AP2A2: variants seen among roughly 807,000 people sequenced by gnomAD.
AP2A2 encodes AP-2 complex subunit alpha-2.
In AP2A2, 32 loss-of-function variants were observed where a neutral mutation model predicts 104.2. That is an observed-to-expected ratio of 0.31 (90% CI 0.23 to 0.41). The LOEUF is 0.41. Among genes scored for constraint, AP2A2 ranks in the 10% least tolerant of loss-of-function variants. The pLI is 1.00. For synonymous variants in AP2A2, 539 were observed against 533.3 expected (o/e 1.01, Z -0.15); for missense variants, 912 against 1,261.0 (o/e 0.72, Z 4.19).
intron 1 of AP2A2, among the ~76,000 whole-genome samples, chr11:934,109 T>A (rs1420452973): frequency 6.6e-6 from 1 of 151,982 alleles, no homozygotes; most frequent in Non-Finnish European, 1.5e-5. Context: ...GCTAGGTTCT[T>A]TCTGCCCCAT....
At chr11:926,782 C>T (rs1185608369) in intron 1 of AP2A2, among the ~76,000 whole-genome samples, 1 of 152,164 alleles carries the variant, frequency 6.6e-6, no homozygotes, top group Non-Finnish European at 1.5e-5. Context: ...GCCTGCTGCT[C>T]CAATCACAGA....
Position 993,055 on chromosome 11 carries a change from G to T in AP2A2, c.1453-229G>T, listed in dbSNP as rs1195667990. On this transcript the variant is annotated intron_variant, in intron 11 of 21. Transcript: ENST00000448903. The surrounding 1 kb of genome is among the most constrained non-coding windows in gnomAD (Gnocchi z 8.2). ...AACCTCCCCAGCCAGAGCCTGTTGT[G>T]GATGCTGCAGCTCCCTCCAGGGCAG... is the stretch of plus-strand genomic sequence containing the variant. Among the ~76,000 whole-genome samples the T allele has an allele frequency of 6.6e-6, 1 of 152,198 alleles. No individual in the cohort carries two copies. The highest frequency in any genetic ancestry group is 1.9e-4 in the East Asian group (1 of 5,192).
chr11:969,525 C>A (rs1854747064), intron 2 of AP2A2, among the ~76,000 whole-genome samples: 1 of 152,094 alleles, frequency 6.6e-6, no homozygotes, highest in African/African-American at 2.4e-5. Context: ...CGTGCCGGGC[C>A]CAGAATGGCC....
intron 14 of AP2A2, among the ~76,000 whole-genome samples, chr11:994,538 G>A (rs1312041263): frequency 6.8e-5 from 8 of 117,542 alleles, no homozygotes; most frequent in Middle Eastern, 6.8e-3. Context: ...CCTGCTGGAC[G>A]CCCCCCTGGC....
intron 1 of AP2A2, among the ~76,000 whole-genome samples, chr11:937,639 T>C (rs1365728949): frequency 1.3e-5 from 2 of 152,162 alleles, no homozygotes; most frequent in Admixed American, 6.5e-5. Context: ...TAGCCTACAG[T>C]TGGGCAAAAC....
At chr11:960,768 T>G (rs985554785) in intron 2 of AP2A2, among the ~76,000 whole-genome samples, 4 of 152,194 alleles carry the variant, frequency 2.6e-5, no homozygotes, top group African/African-American at 9.7e-5. Context: ...TCCACCTGCC[T>G]CAGCCTCCCA....
chr11:993,920 G>A lies in AP2A2; in HGVS notation c.1717G>A (p.Val573Met), dbSNP rs1590006440. The A allele has an allele frequency of 6.8e-6, 11 of 1,611,878 alleles. No individual in the cohort carries two copies. Among genetic ancestry groups the A allele is most frequent in the African/African-American group, 2.7e-5 (2 of 74,938 alleles). ...CGACAGCCAGCTCAGGAACGCAGAC[G>A]TGGAGCTGCAGCAGCGTGCTGTGGA... ...RSDSQLRNAD[V>M]ELQQRAVEYL... Residue 573 changes from valine to methionine, a missense_variant, in exon 13 of 22, where the codon GTG (valine) becomes ATG (methionine). Val to Met is a conservative substitution (Grantham distance 21). This residue lies in a region of AP2A2 where 137 missense variants were observed against 186.9 expected (regional missense o/e 0.73). Coordinates refer to ENST00000448903, the MANE Select transcript of AP2A2 (RefSeq NM_012305.4). This position sits in a 1 kb window ranked among gnomAD's most constrained non-coding sequence, Gnocchi z 8.2.
intron 9 of AP2A2, 88 bp from the exon 10 acceptor site, chr11:988,464 T>G: frequency 1.9e-5 from 28 of 1,505,364 alleles, no homozygotes; most frequent in Non-Finnish European, 2.5e-5. Flanking sequence ...GAGTGGGTGT[T>G]GAGATGCGGG....
At chr11:990,821 C>T (rs1176403235) in intron 10 of AP2A2, among the ~76,000 whole-genome samples, 1 of 131,360 alleles carries the variant, frequency 7.6e-6, no homozygotes, top group Non-Finnish European at 1.6e-5. Context: ...CTCACCCCAT[C>T]CTTTCAGCTG....
intron 5 of AP2A2, among the ~76,000 whole-genome samples, chr11:979,215 C>G (rs1329778117): frequency 1.3e-5 from 2 of 150,276 alleles, no homozygotes; most frequent in Non-Finnish European, 3.0e-5. Flanking sequence ...GCCTGTCAGC[C>G]TGTTGCAGGG....
chr11:945,896 G>C (rs1853815340), intron 1 of AP2A2, among the ~76,000 whole-genome samples: 1 of 152,170 alleles, frequency 6.6e-6, no homozygotes, highest in Non-Finnish European at 1.5e-5. Flanking sequence ...GGATTGCTTT[G>C]GTCCAGAGGA....
intron 6 of AP2A2, among the ~76,000 whole-genome samples, chr11:983,083 C>T (rs1319080323): frequency 3.6e-5 from 5 of 137,012 alleles, no homozygotes; most frequent in African/African-American, 8.2e-5. Flanking sequence ...TGCAATGGCA[C>T]GATCTCGGTT....
rs781083119 is a variant in AP2A2 at position 1,010,966 on chromosome 11, C to T, written c.*341C>T. On this transcript the variant is annotated 3_prime_UTR_variant, in exon 22 of 22. Transcript: ENST00000448903. ...TTGTGGGAGTGTCACTGAGATGGCC[C>T]GTGCTGCCGCCCACCCCGCCTCGGA... 3.2e-5 allele frequency: 23 copies of T among 724,464 alleles called. 1 individual carries two copies. Among genetic ancestry groups the T allele is most frequent in the South Asian group, 4.2e-5 (3 of 71,718 alleles). The allele number at this position is 724,464 out of a possible 1,614,324, so 44.9% of individuals were successfully genotyped here.
At chr11:955,847 G>A (rs1331022841) in intron 1 of AP2A2, among the ~76,000 whole-genome samples, 1 of 152,244 alleles carries the variant, frequency 6.6e-6, no homozygotes, top group Non-Finnish European at 1.5e-5. Context: ...CAGTGGTGGA[G>A]TTCGGCCCTG....
Position 977,110 on chromosome 11 carries a change from C to A in AP2A2, c.489C>A (p.Ser163Arg), listed in dbSNP as rs377743784. 6.2e-7 allele frequency: 1 copy of A among 1,613,586 alleles called. No individual in the cohort carries two copies. Among genetic ancestry groups the A allele is most frequent in the African/African-American group, 1.3e-5 (1 of 74,922 alleles). Reference protein sequence around the residue: ...KVLVAGDTMDSVKQSAALCLL... With the variant: ...KVLVAGDTMDRVKQSAALCLL... ...TGTCTTTCAGAGACACTATGGACAG[C>A]GTGAAGCAGAGCGCGGCCCTGTGCT... The change falls in exon 5 of 22, where the codon AGC (serine) becomes AGA (arginine). Residue 163 changes from serine (S) to arginine (R), a missense_variant. By Grantham distance (110) the Ser-to-Arg change is moderately radical (BLOSUM62 -1). This residue lies in a region of AP2A2 where 350 missense variants were observed against 487.0 expected (regional missense o/e 0.72). Coordinates refer to ENST00000448903, the MANE Select transcript of AP2A2 (RefSeq NM_012305.4).
At chr11:965,889 G>A (rs1334723160) in intron 2 of AP2A2, among the ~76,000 whole-genome samples, 1 of 152,200 alleles carries the variant, frequency 6.6e-6, no homozygotes, top group Non-Finnish European at 1.5e-5. Context: ...TGCCCAGGCT[G>A]GAGTGCTGTG....
Position 1,006,564 on chromosome 11 carries a change from C to T in AP2A2, c.2243C>T (p.Thr748Met), listed in dbSNP as rs1422224638. The change falls in exon 17 of 22, where the codon ACG (threonine) becomes ATG (methionine). Residue 748 changes from threonine (T) to methionine (M), a missense_variant. By Grantham distance (81) the Thr-to-Met change is moderately conservative. Transcript: ENST00000448903. ...MFIFYGNKTSTQFLNFTPTLI... is the reference protein window; with the variant it reads ...MFIFYGNKTSMQFLNFTPTLI... The stretch of plus-strand genomic sequence containing the variant: ...ATCTTTTATGGTAATAAGACCTCCA[C>T]GCAGTTCCTAAACTTTACCCCAACA... 23 of 1,613,628 alleles carry T rather than the reference C, an allele frequency of 1.4e-5. No individual in the cohort carries two copies. Among genetic ancestry groups the T allele is most frequent in the South Asian group, 2.2e-5 (2 of 91,060 alleles).
chr11:973,115 T>C (rs2134632603), intron 4 of AP2A2, among the ~76,000 whole-genome samples: 1 of 152,306 alleles, frequency 6.6e-6, no homozygotes, highest in East Asian at 1.9e-4. Context: ...CCGGCTGAGC[T>C]AGGCCTCAGG....
At chr11:977,334 AG>A (rs886170794) in intron 5 of AP2A2, 110 bp downstream of exon 5, 68 of 1,417,140 alleles carry the variant, frequency 4.8e-5, no homozygotes, top group Non-Finnish European at 6.0e-5. Context: ...AGGCTGTCAC[AG>A]GGGCTGCTGT....
Sources: allele counts gnomAD v4.1 joint callset (sites outside exome capture counted in the v4.1 genomes callset), GRCh38; gene constraint gnomAD v4.1.1; regional missense constraint gnomAD v4.1.1; non-coding constraint Gnocchi (gnomAD v3.1); transcripts MANE v1.5; gene names NCBI Gene and HGNC (gene_info 2026-07-23, HGNC 2026-07-21).